Variants in KIAA1217 observed in about 807,000 individuals in gnomAD.
KIAA1217 encodes KIAA1217, also known as sickle tail protein homolog.
A neutral mutation model predicts 163.9 loss-of-function variants in KIAA1217; 88 were observed. The observed-to-expected ratio is 0.54, with a 90% CI of 0.45 to 0.64. The LOEUF is 0.64. Ranked by LOEUF, KIAA1217 falls within the 30% of genes least tolerant of loss-of-function variation. The pLI, the probability that KIAA1217 is intolerant of heterozygous loss-of-function variation, is 0.00. For missense variants in KIAA1217, 2,372 were observed against 2,475.0 expected (o/e 0.96, Z 0.88); for synonymous variants, 903 against 923.1 (o/e 0.98, Z 0.39).
chr10:23,797,944 G>A (rs1384473519), intron 1 of KIAA1217, among the ~76,000 whole-genome samples: 1 of 152,166 alleles, frequency 6.6e-6, no homozygotes, highest in Non-Finnish European at 1.5e-5. Flanking sequence ...AAACTTGGAG[G>A]AACAATAGAT....
At chr10:24,267,527 A>C (rs2076350629) in intron 2 of KIAA1217, among the ~76,000 whole-genome samples, 1 of 152,142 alleles carries the variant, frequency 6.6e-6, no homozygotes, top group South Asian at 2.1e-4. Flanking sequence ...TGCCCACGCT[A>C]GTCTTGAACT....
At chr10:23,982,529 T>TTTTCTCTCTCTC (rs1365479677) in intron 1 of KIAA1217, among the ~76,000 whole-genome samples, 1 of 73,568 alleles carries the variant, frequency 1.4e-5, no homozygotes, top group African/African-American at 5.1e-5. Context: ...TGTTTTTTGT[T>TTTTCTCTCTCTC]TCTCTCTCTC....
At chr10:23,748,799 A>G (rs1839569641) in intron 1 of KIAA1217, among the ~76,000 whole-genome samples, 1 of 152,054 alleles carries the variant, frequency 6.6e-6, no homozygotes, top group African/African-American at 2.4e-5. Context: ...CATCACTGTC[A>G]GCACTACCTT....
intron 1 of KIAA1217, among the ~76,000 whole-genome samples, chr10:23,971,787 T>G (rs1455284550): frequency 6.6e-6 from 1 of 152,216 alleles, no homozygotes; most frequent in East Asian, 1.9e-4. Flanking sequence ...AGGAGAAAAT[T>G]AAGAGGTTGG....
At chr10:24,145,133 C>T (rs1341112723) in intron 2 of KIAA1217, among the ~76,000 whole-genome samples, 1 of 152,200 alleles carries the variant, frequency 6.6e-6, no homozygotes, top group African/African-American at 2.4e-5. Flanking sequence ...CAAAGTCTTC[C>T]TTGGCAGGGG....
At chr10:24,337,650 C>CTTTTCTT (rs1554821347) in intron 2 of KIAA1217, among the ~76,000 whole-genome samples, 16 of 40,866 alleles carry the variant, frequency 3.9e-4, no homozygotes, top group African/African-American at 3.1e-3. Flanking sequence ...CTTTTCTTTT[C>CTTTTCTT]TTTTTTTTTT....
chr10:24,295,209 C>T (rs769827726), intron 2 of KIAA1217, among the ~76,000 whole-genome samples: 1 of 152,148 alleles, frequency 6.6e-6, no homozygotes, highest in African/African-American at 2.4e-5. Flanking sequence ...ATAATTATAG[C>T]ATCTCTTAGT....
intron 2 of KIAA1217, among the ~76,000 whole-genome samples, chr10:24,013,953 T>C (rs1847362910): frequency 6.6e-6 from 1 of 152,190 alleles, no homozygotes; most frequent in Admixed American, 6.6e-5. Flanking sequence ...GATGTGTCAC[T>C]GTCTGAGAAT....
At chr10:24,156,250 C>G (rs1344318454) in intron 2 of KIAA1217, among the ~76,000 whole-genome samples, 2 of 152,090 alleles carry the variant, frequency 1.3e-5, no homozygotes, top group African/African-American at 4.8e-5. Flanking sequence ...CCTTTTTCAA[C>G]CAGCATAATT....
chr10:23,955,280 G>A (rs916123896), intron 1 of KIAA1217, among the ~76,000 whole-genome samples: 1 of 152,188 alleles, frequency 6.6e-6, no homozygotes, highest in East Asian at 1.9e-4. Flanking sequence ...CAGAACAAAT[G>A]AGAGAACATA....
intron 3 of KIAA1217, among the ~76,000 whole-genome samples, chr10:24,406,435 A>G (rs991580): frequency 0.17 from 25,540 of 151,550 alleles, 2,227 homozygotes; most frequent in South Asian, 0.19. Context: ...CAGGATGAAC[A>G]CACACATTGC....
chr10:23,836,750 C>A (rs1348543568), intron 1 of KIAA1217, among the ~76,000 whole-genome samples: 1 of 151,592 alleles, frequency 6.6e-6, no homozygotes, highest in Non-Finnish European at 1.5e-5. Context: ...CATAATGAGA[C>A]CCCCGTCTCC....
intron 2 of KIAA1217, among the ~76,000 whole-genome samples, chr10:24,328,503 T>G (rs1283749845): frequency 1.3e-5 from 2 of 150,098 alleles, no homozygotes; most frequent in Middle Eastern, 3.4e-3. Flanking sequence ...TTTTTATGTT[T>G]TTTTTTTTCA....
chr10:23,841,827 CTTTATTTTATTTTAT>C (rs376133012), intron 1 of KIAA1217, among the ~76,000 whole-genome samples: 1,960 of 133,558 alleles, frequency 0.015, 46 homozygotes, highest in Admixed American at 0.051. Flanking sequence ...ACCATTGGGA[CTTTATTTTATTTTAT>C]TTTATTTTAT....
intron 2 of KIAA1217, among the ~76,000 whole-genome samples, chr10:24,248,993 A>C (rs1300777449): frequency 4.6e-5 from 7 of 152,234 alleles, no homozygotes; most frequent in Non-Finnish European, 8.8e-5. Flanking sequence ...CTTTAGACAT[A>C]ATTTCAAACA....
chr10:24,336,544 G>T (rs1379986143), intron 2 of KIAA1217, among the ~76,000 whole-genome samples: 1 of 151,948 alleles, frequency 6.6e-6, no homozygotes, highest in Non-Finnish European at 1.5e-5. Flanking sequence ...TGCCCTTCAC[G>T]ATGTGAACCT....
At chr10:23,830,874 A>G (rs889136775) in intron 1 of KIAA1217, among the ~76,000 whole-genome samples, 1 of 151,958 alleles carries the variant, frequency 6.6e-6, no homozygotes, top group Non-Finnish European at 1.5e-5. Context: ...CTGCTTAATG[A>G]CCAGAAAAAG....
chr10:23,862,502 T>A (rs1219478242), intron 1 of KIAA1217, among the ~76,000 whole-genome samples: 1 of 152,156 alleles, frequency 6.6e-6, no homozygotes, highest in Non-Finnish European at 1.5e-5. Flanking sequence ...CTTTTATCTC[T>A]CTCTTTGGAG....
At chr10:23,824,145 C>T (rs1319926653) in intron 1 of KIAA1217, among the ~76,000 whole-genome samples, 1 of 151,992 alleles carries the variant, frequency 6.6e-6, no homozygotes, top group Non-Finnish European at 1.5e-5. Context: ...TGTTGGTGCA[C>T]ACCTATGGTC....
Sources: gnomAD v4.1 joint callset for allele counts (sites outside exome capture counted in the v4.1 genomes callset) on GRCh38, gnomAD v4.1.1 for gene constraint, MANE v1.5 for transcripts, NCBI Gene and HGNC (gene_info 2026-07-23, HGNC 2026-07-21) for gene names.